Variants in ARB2A observed in about 807,000 individuals in gnomAD.
ARB2A encodes the protein ARB2 cotranscriptional regulator A.
At chr5:94,103,626 C>G in the ARB2A span, among the ~76,000 whole-genome samples, 1 of 151,872 alleles carries the variant, frequency 6.6e-6, no homozygotes, top group Non-Finnish European at 1.5e-5. Context: ...AGGCACAAAA[C>G]TAACAAAGAT....
the ARB2A span, among the ~76,000 whole-genome samples, chr5:93,680,069 C>A: frequency 6.6e-6 from 1 of 152,172 alleles, no homozygotes; most frequent in Admixed American, 6.5e-5. Flanking sequence ...GGAGCTTTCA[C>A]ATTTTAAGAT....
At chr5:94,055,800 A>T in the ARB2A span, 1 of 985,346 alleles carries the variant, frequency 1.0e-6, no homozygotes, top group African/African-American at 1.7e-5. Context: ...CTTCGCAGTC[A>T]TCTACAATTC....
At chr5:93,839,351 T>C in the ARB2A span, among the ~76,000 whole-genome samples, 1 of 152,220 alleles carries the variant, frequency 6.6e-6, no homozygotes, top group African/African-American at 2.4e-5. Context: ...GATTTGCATA[T>C]GTTGAACCAA....
the ARB2A span, chr5:93,958,780 C>T: frequency 6.6e-7 from 1 of 1,513,492 alleles, no homozygotes; most frequent in East Asian, 2.3e-5. Flanking sequence ...TACTTACAGC[C>T]ACAGCTCTTT....
chr5:93,895,277 T>C, the ARB2A span, among the ~76,000 whole-genome samples: 1 of 152,192 alleles, frequency 6.6e-6, no homozygotes, highest in Non-Finnish European at 1.5e-5. Flanking sequence ...ATCATGGATA[T>C]GTAAGAGATG....
At chr5:93,743,615 A>G in the ARB2A span, 1 of 927,684 alleles carries the variant, frequency 1.1e-6, no homozygotes, top group Non-Finnish European at 1.3e-6. Flanking sequence ...AGGGATAAAG[A>G]AGAGAAAGCA....
At chr5:94,072,838 T>G in the ARB2A span, among the ~76,000 whole-genome samples, 1 of 152,148 alleles carries the variant, frequency 6.6e-6, no homozygotes. Context: ...TATGCCTTCC[T>G]TTAATTATAA....
At chr5:94,072,936 C>T in the ARB2A span, among the ~76,000 whole-genome samples, 1 of 152,060 alleles carries the variant, frequency 6.6e-6, no homozygotes, top group South Asian at 2.1e-4. Flanking sequence ...TTTAACCCCG[C>T]TCATCTTGAG....
chr5:93,639,017 G>T, the ARB2A span, among the ~76,000 whole-genome samples: 1 of 151,826 alleles, frequency 6.6e-6, no homozygotes, highest in African/African-American at 2.4e-5. Flanking sequence ...ATAAATTTAA[G>T]AAAACTTTAA....
chr5:93,683,156 T>C, the ARB2A span: 1 of 1,411,416 alleles, frequency 7.1e-7, no homozygotes, highest in Admixed American at 1.7e-5. Flanking sequence ...TGGCGCTTTT[T>C]CTTCAGCTTC....
At chr5:93,879,645 A>C in the ARB2A span, among the ~76,000 whole-genome samples, 2 of 151,870 alleles carry the variant, frequency 1.3e-5, no homozygotes, top group Non-Finnish European at 2.9e-5. Context: ...AAACAGAATA[A>C]AGAAAATGCA....
chr5:93,658,398 T>A, the ARB2A span, among the ~76,000 whole-genome samples: 1 of 152,150 alleles, frequency 6.6e-6, no homozygotes, highest in African/African-American at 2.4e-5. Flanking sequence ...TACAGTCTTT[T>A]ACTGATCATT....
At chr5:93,767,493 C>T in the ARB2A span, among the ~76,000 whole-genome samples, 1 of 152,068 alleles carries the variant, frequency 6.6e-6, no homozygotes, top group Non-Finnish European at 1.5e-5. Context: ...AAAAGTAGAA[C>T]TACCATTTGA....
At chr5:93,915,889 T>C in the ARB2A span, among the ~76,000 whole-genome samples, 1 of 152,044 alleles carries the variant, frequency 6.6e-6, no homozygotes, top group Non-Finnish European at 1.5e-5. Context: ...TTAGGAAAGC[T>C]AGTGTGATGA....
At chr5:93,753,558 AG>A in the ARB2A span, among the ~76,000 whole-genome samples, 1 of 152,210 alleles carries the variant, frequency 6.6e-6, no homozygotes, top group African/African-American at 2.4e-5. Flanking sequence ...TCCAAATCCA[AG>A]AAAGGCCCAT....
At chr5:94,100,414 T>C in the ARB2A span, among the ~76,000 whole-genome samples, 1 of 152,292 alleles carries the variant, frequency 6.6e-6, no homozygotes, top group South Asian at 2.1e-4. Context: ...CCAAAGGCAT[T>C]CTTCACAGAA....
At chr5:93,712,664 G>A in the ARB2A span, among the ~76,000 whole-genome samples, 1 of 152,000 alleles carries the variant, frequency 6.6e-6, no homozygotes. Context: ...ATTCAAAATT[G>A]AAATAAGAAA....
the ARB2A span, among the ~76,000 whole-genome samples, chr5:93,665,179 T>A: frequency 6.6e-6 from 1 of 152,194 alleles, no homozygotes; most frequent in Non-Finnish European, 1.5e-5. Flanking sequence ...CCTTATAAAT[T>A]CAGATTTAGC....
At chr5:93,828,630 G>A in the ARB2A span, among the ~76,000 whole-genome samples, 1 of 152,136 alleles carries the variant, frequency 6.6e-6, no homozygotes, top group African/African-American at 2.4e-5. Flanking sequence ...GTAGTGACCT[G>A]TAGGATTGAC....
Sources: allele counts gnomAD v4.1 joint callset (sites outside exome capture counted in the v4.1 genomes callset), GRCh38; gene constraint gnomAD v4.1.1; transcripts MANE v1.5; gene names NCBI Gene and HGNC (gene_info 2026-07-23, HGNC 2026-07-21).